Variants in SCOC observed in about 807,000 individuals in gnomAD.
The protein encoded by SCOC is short coiled coil protein.
Under a neutral mutation model 9.9 loss-of-function variants are expected in SCOC, and 7 were observed. The ratio of observed to expected loss-of-function variants is 0.71; its 90% CI spans 0.40 to 1.33. The LOEUF (loss-of-function observed/expected upper bound fraction) is 1.33, where lower values mean the gene tolerates loss of function less well. Among genes scored for constraint, SCOC ranks in the 40% most tolerant of loss-of-function variants. The pLI is 0.01. For missense variants in SCOC, 66 were observed against 89.7 expected, an observed-to-expected ratio of 0.74 and a Z score of 1.07; for synonymous variants, 19 against 28.2, an observed-to-expected ratio of 0.67 and a Z score of 1.03.
At chr4:140,301,611 G>A (rs1731812159) in intron 1 of SCOC, among the ~76,000 whole-genome samples, 1 of 152,132 alleles carries the variant, frequency 6.6e-6, no homozygotes, top group Non-Finnish European at 1.5e-5. Context: ...TCAGGATTCT[G>A]AAAACTTTCT....
chr4:140,355,220 T>TATATATATATG (rs1553940391), intron 2 of SCOC, among the ~76,000 whole-genome samples: 5 of 18,818 alleles, frequency 2.7e-4, no homozygotes, highest in African/African-American at 6.8e-4. Context: ...TTTATATATA[T>TATATATATATG]ATATATATAT....
At chr4:140,374,010 TC>T in intron 1 of SCOC, 2 of 592,380 alleles carry the variant, frequency 3.4e-6, no homozygotes, top group Non-Finnish European at 6.3e-6. Flanking sequence ...TCCCCGCAGC[TC>T]CTGGGTCGGG....
intron 1 of SCOC, among the ~76,000 whole-genome samples, chr4:140,267,892 C>G (rs1427253031): frequency 6.6e-6 from 1 of 152,260 alleles, no homozygotes; most frequent in South Asian, 2.1e-4. Flanking sequence ...GGTTAGATCC[C>G]GACCGATACA....
chr4:140,260,224 T>C (rs1730601740), intron 1 of SCOC, among the ~76,000 whole-genome samples: 1 of 152,204 alleles, frequency 6.6e-6, no homozygotes, highest in South Asian at 2.1e-4. Context: ...CTAACTTCCT[T>C]CCAAAGCCTT....
intron 1 of SCOC, among the ~76,000 whole-genome samples, chr4:140,287,720 A>T (rs1039897356): frequency 6.6e-6 from 1 of 152,080 alleles, no homozygotes; most frequent in African/African-American, 2.4e-5. Context: ...CGTGCATATC[A>T]CACACAGGCC....
At chr4:140,322,895 T>C (rs1008310980) in intron 1 of SCOC, among the ~76,000 whole-genome samples, 2 of 152,034 alleles carry the variant, frequency 1.3e-5, no homozygotes, top group Admixed American at 1.3e-4. Flanking sequence ...CGAAGGCATT[T>C]TGGAGATCTT....
chr4:140,299,239 A>G (rs981836300), intron 1 of SCOC, among the ~76,000 whole-genome samples: 3 of 152,250 alleles, frequency 2.0e-5, no homozygotes, highest in Admixed American at 6.5e-5. Flanking sequence ...CATTTTAAAA[A>G]TCCAGCAAAC....
At chr4:140,312,146 G>C (rs2126468763) in intron 1 of SCOC, among the ~76,000 whole-genome samples, 1 of 152,234 alleles carries the variant, frequency 6.6e-6, no homozygotes. Flanking sequence ...TTTACCCAAA[G>C]ACACATGTCA....
intron 1 of SCOC, among the ~76,000 whole-genome samples, chr4:140,309,365 G>A (rs1732085174): frequency 6.6e-6 from 1 of 152,210 alleles, no homozygotes. Flanking sequence ...GACCAACCAT[G>A]AGTCTCTGTC....
chr4:140,300,769 T>C (rs1731789331), intron 1 of SCOC, among the ~76,000 whole-genome samples: 1 of 152,242 alleles, frequency 6.6e-6, no homozygotes, highest in East Asian at 1.9e-4. Context: ...ATCTGCTCTT[T>C]AATGTCTAAG....
chr4:140,323,943 G>A (rs767641905), intron 1 of SCOC, among the ~76,000 whole-genome samples: 5 of 151,970 alleles, frequency 3.3e-5, no homozygotes, highest in East Asian at 3.9e-4. Context: ...CCCAAGATAC[G>A]TCATGAAAAT....
At chr4:140,342,606 T>A (rs1307359860), upstream of SCOC, among the ~76,000 whole-genome samples, 1 of 152,178 alleles carries the variant, frequency 6.6e-6, no homozygotes, top group African/African-American at 2.4e-5. Flanking sequence ...AAAAAAAATA[T>A]TATATGTATC....
intron 1 of SCOC, among the ~76,000 whole-genome samples, chr4:140,263,329 C>T (rs1490439923): frequency 6.6e-6 from 1 of 152,180 alleles, no homozygotes; most frequent in Non-Finnish European, 1.5e-5. Context: ...ACAGAGACTC[C>T]AACCAACTTG....
intron 2 of SCOC, among the ~76,000 whole-genome samples, chr4:140,362,273 C>CTGTTCTTCTTCTTCCT: frequency 1.4e-4 from 4 of 29,094 alleles, no homozygotes; most frequent in Non-Finnish European, 2.3e-4. Flanking sequence ...ACAGGTGTGT[C>CTGTTCTTCTTCTTCCT]CTTACTTCTT....
At position 140,325,919 on chromosome 4, in the gene SCOC, G is replaced by A. The variant is rs1482330128; in HGVS notation, c.-18-17702G>A. Among the ~76,000 whole-genome samples, 4 of 152,100 alleles carry A rather than the reference G, an allele frequency of 2.6e-5. No individual in the cohort carries two copies. The East Asian group carries it at 7.7e-4, about 29-fold the overall frequency. On this transcript the variant is annotated intron_variant, in intron 1 of 4. Coordinates refer to the SCOC transcript ENST00000394205. ...CTTTATTCACAGTCATTCCAAACGA[G>A]AAACAGCTGCAATGTCCTTCAGTAG...
chr4:140,260,373 C>T (rs1047219710), intron 1 of SCOC, among the ~76,000 whole-genome samples: 3 of 152,238 alleles, frequency 2.0e-5, no homozygotes, highest in African/African-American at 4.8e-5. Flanking sequence ...AGTTTCGTTC[C>T]TGTGCATGTT....
chr4:140,366,211 C>G, intron 2 of SCOC: 2 of 717,580 alleles, frequency 2.8e-6, no homozygotes, highest in Non-Finnish European at 3.8e-6. Flanking sequence ...CCAAATAGAA[C>G]TTTTATTACT....
At chr4:140,369,303 T>C (rs1446907390), upstream of SCOC, 1 of 437,824 alleles carries the variant, frequency 2.3e-6, no homozygotes, top group Non-Finnish European at 4.5e-6. Context: ...TTATATTCTT[T>C]ACTCACCAAA....
In SCOC at chr4:140,366,652, T is replaced by TG. The variant is rs1215948840; in HGVS notation, c.71-12467dup. 5 of 1,602,852 alleles carry TG rather than the reference T, an allele frequency of 3.1e-6. No homozygotes were observed. The African/African-American group carries it at 6.7e-5, about 21-fold the overall frequency. On this transcript the variant is annotated intron_variant, in intron 2 of 4. Transcript: ENST00000338517. Reference sequence around the variant, plus strand: ...CTGCCAGGCTTGTCTGACATACTTCTGGTGGGCTCTGTGTGGAAACTTGAG... The same window carrying TG: ...CTGCCAGGCTTGTCTGACATACTTCTGGGTGGGCTCTGTGTGGAAACTTGAG...
Sources: gnomAD v4.1 joint callset for allele counts (sites outside exome capture counted in the v4.1 genomes callset) on GRCh38, gnomAD v4.1.1 for gene constraint, MANE v1.5 for transcripts, NCBI Gene and HGNC (gene_info 2026-07-23, HGNC 2026-07-21) for gene names.